The following PLCZ1 variants were observed in gnomAD, a reference collection of about 807,000 sequenced individuals.
The protein encoded by PLCZ1 is phospholipase C zeta 1.
In PLCZ1, 64 loss-of-function variants were observed where a neutral mutation model predicts 76.8. The observed-to-expected ratio is 0.83, with a 90% confidence interval of 0.68 to 1.03. The LOEUF (loss-of-function observed/expected upper bound fraction) is 1.03. Among genes scored for constraint, PLCZ1 ranks in the 50% least tolerant of loss-of-function variants. The pLI, the probability that PLCZ1 is intolerant of heterozygous loss-of-function variation, is 0.00. For missense variants in PLCZ1, 751 were observed against 713.7 expected (o/e 1.05, Z -0.60); for synonymous variants, 248 against 230.8 (o/e 1.07, Z -0.68).
At chr12:18,708,932 G>A (rs924292700) in intron 6 of PLCZ1, among the ~76,000 whole-genome samples, 1 of 151,892 alleles carries the variant, frequency 6.6e-6, no homozygotes, top group African/African-American at 2.4e-5. Context: ...TACATGGTTT[G>A]CAAATATTTT....
intron 4 of PLCZ1, among the ~76,000 whole-genome samples, chr12:18,722,907 G>A (rs1039688075): frequency 6.6e-6 from 1 of 151,602 alleles, no homozygotes; most frequent in East Asian, 1.9e-4. Flanking sequence ...AATTTTCATA[G>A]ATATTTTCAA....
intron 14 of PLCZ1, 64 bp downstream of exon 14, chr12:18,684,066 G>T: frequency 6.4e-7 from 1 of 1,550,424 alleles, no homozygotes. Flanking sequence ...GTCAAAATGT[G>T]TCTTTGATAT....
intron 10 of PLCZ1, among the ~76,000 whole-genome samples, chr12:18,697,912 C>T (rs763118459): frequency 1.7e-4 from 26 of 152,188 alleles, no homozygotes; most frequent in Admixed American, 4.6e-4. Context: ...GAAAAATGCT[C>T]TATGCCCCTT....
chr12:18,681,484 G>A (rs1232059971), downstream of PLCZ1, among the ~76,000 whole-genome samples: 2 of 151,978 alleles, frequency 1.3e-5, no homozygotes, highest in African/African-American at 2.4e-5. Flanking sequence ...TATTCTAAAT[G>A]TGAGAACATT....
Position 18,701,707 on chromosome 12 carries a change from CT to C in PLCZ1, c.933del (p.Gly312ValfsTer15). On this transcript the variant is annotated frameshift_variant, in exon 8 of 15. Coordinates refer to ENST00000266505, the MANE Select transcript of PLCZ1 (RefSeq NM_033123.4). LOFTEE classifies it high-confidence loss of function. Reference protein sequence around the residue: ...IGTLKETHERKGSDKRGDNQD... With the variant: ...IGTLKETHERXGSDKRGDNQD... The stretch of plus-strand genomic sequence containing the variant: ...TCCACCTTACCACGCTTATCAGAAC[CT>C]TTTCTTTCATGGGTTTCCTTTAAGG... 1 of 1,611,774 alleles carries C rather than the reference CT, an allele frequency of 6.2e-7. No individual in the cohort carries two copies. Among genetic ancestry groups the C allele is most frequent in the Non-Finnish European group, 8.5e-7 (1 of 1,178,814 alleles).
the PLCZ1 span, among the ~76,000 whole-genome samples, chr12:18,648,656 A>C: frequency 6.6e-6 from 1 of 152,140 alleles, no homozygotes; most frequent in East Asian, 1.9e-4. Context: ...TGCCACCCAG[A>C]GGCACGATTT....
chr12:18,672,993 G>A, the PLCZ1 span, among the ~76,000 whole-genome samples: 1 of 152,114 alleles, frequency 6.6e-6, no homozygotes, highest in East Asian at 1.9e-4. Flanking sequence ...GCACAGATTG[G>A]TACATGACAC....
the PLCZ1 span, among the ~76,000 whole-genome samples, chr12:18,676,357 T>G: frequency 6.6e-6 from 1 of 152,036 alleles, no homozygotes; most frequent in African/African-American, 2.4e-5. Context: ...GAATCTAATA[T>G]AATCCATGTC....
At position 18,723,288 on chromosome 12, in the gene PLCZ1, A is replaced by G. The variant is rs757270685; in HGVS notation, c.367+23T>C. On this transcript the variant is annotated intron_variant, in intron 4 of 14. Coordinates refer to ENST00000266505, the MANE Select transcript of PLCZ1 (RefSeq NM_033123.4). ...ATACTTCACATATAAATATTCCGAT[A>G]AAAGTTTGAAATGCAAACATACCTT... 1.4e-5 allele frequency: 22 copies of G among 1,577,702 alleles called. 1 individual carries two copies. The South Asian group carries it at 2.5e-4, about 18-fold the overall frequency.
chr12:18,706,342 T>C (rs1357240899), intron 6 of PLCZ1, among the ~76,000 whole-genome samples: 1 of 152,128 alleles, frequency 6.6e-6, no homozygotes, highest in East Asian at 1.9e-4. Flanking sequence ...TAGCATGCTA[T>C]ATTTTTATTG....
intron 3 of PLCZ1, 106 bp from the exon 4 acceptor site, chr12:18,723,648 T>G: frequency 1.1e-6 from 1 of 911,218 alleles, no homozygotes; most frequent in Non-Finnish European, 1.7e-6. Context: ...TGAAAGAAGA[T>G]GAAAATTACA....
chr12:18,736,415 T>C (rs1959257754), intron 2 of PLCZ1, 71 bp from the exon 3 acceptor site: 2 of 1,462,744 alleles, frequency 1.4e-6, no homozygotes, highest in Non-Finnish European at 9.4e-7. Flanking sequence ...TAAAGAAACA[T>C]TTGATTTACT....
At chr12:18,645,618 T>C in the PLCZ1 span, among the ~76,000 whole-genome samples, 1 of 152,164 alleles carries the variant, frequency 6.6e-6, no homozygotes, top group Non-Finnish European at 1.5e-5. Context: ...TTCCTTTTTG[T>C]GTATTTGATG....
At chr12:18,709,915 A>G (rs1363091715) in intron 6 of PLCZ1, among the ~76,000 whole-genome samples, 1 of 151,964 alleles carries the variant, frequency 6.6e-6, no homozygotes, top group African/African-American at 2.4e-5. Flanking sequence ...TCATTTTTAT[A>G]CTATTGTAAA....
At chr12:18,648,055 C>T in the PLCZ1 span, 1 of 1,441,422 alleles carries the variant, frequency 6.9e-7, no homozygotes. Flanking sequence ...ATGCATTATT[C>T]ATTAACTACT....
the PLCZ1 span, among the ~76,000 whole-genome samples, chr12:18,663,019 TA>T: frequency 6.6e-6 from 1 of 152,092 alleles, no homozygotes; most frequent in African/African-American, 2.4e-5. Flanking sequence ...GAAATTACTT[TA>T]AATATAAGTG....
chr12:18,678,125 C>T, the PLCZ1 span, among the ~76,000 whole-genome samples: 1 of 152,082 alleles, frequency 6.6e-6, no homozygotes, highest in Non-Finnish European at 1.5e-5. Context: ...GAGTCTAGAA[C>T]AGTGCTTTAC....
chr12:18,701,708 T>G lies in PLCZ1; in HGVS notation c.933A>C (p.Lys311Asn). 6.2e-7 allele frequency: 1 copy of G among 1,605,996 alleles called. No homozygotes were observed. Among genetic ancestry groups the G allele is most frequent in the Non-Finnish European group, 8.5e-7 (1 of 1,175,034 alleles). The change falls in exon 8 of 15, where the codon AAA (lysine) becomes AAC (asparagine). Residue 311 changes from lysine to asparagine, a missense_variant. Lys to Asn is a moderately conservative substitution (Grantham distance 94). Coordinates refer to ENST00000266505, the MANE Select transcript of PLCZ1 (RefSeq NM_033123.4). Reference protein sequence around the residue: ...IGTLKETHERKGSDKRGDNQD... With the variant: ...IGTLKETHERNGSDKRGDNQD... ...CCACCTTACCACGCTTATCAGAACC[T>G]TTTCTTTCATGGGTTTCCTTTAAGG...
the PLCZ1 span, among the ~76,000 whole-genome samples, chr12:18,645,899 C>A: frequency 6.6e-6 from 1 of 152,120 alleles, no homozygotes; most frequent in Non-Finnish European, 1.5e-5. Context: ...CATATACAGT[C>A]ACACTTTGAG....
Sources: allele counts gnomAD v4.1 joint callset (sites outside exome capture counted in the v4.1 genomes callset), GRCh38; gene constraint gnomAD v4.1.1; transcripts MANE v1.5; gene names NCBI Gene and HGNC (gene_info 2026-07-23, HGNC 2026-07-21).